Variants in IQCJ observed in about 807,000 individuals in gnomAD.
IQCJ encodes IQ domain-containing protein J.
In IQCJ, 9 loss-of-function variants were observed where a neutral mutation model predicts 11.0. That is an observed-to-expected ratio of 0.82 (90% CI 0.49 to 1.43). The LOEUF (loss-of-function observed/expected upper bound fraction) is 1.43, where lower values mean the gene tolerates loss of function less well. Ranked by LOEUF, IQCJ falls within the 40% of genes most tolerant of loss-of-function variation. The pLI is 0.00. For missense variants in IQCJ, 146 were observed against 133.2 expected, an observed-to-expected ratio of 1.10 and a Z score of -0.47; for synonymous variants, 55 against 51.3, an observed-to-expected ratio of 1.07 and a Z score of -0.31.
At chr3:159,188,800 A>G (rs540704010) in intron 1 of IQCJ, among the ~76,000 whole-genome samples, 2 of 152,258 alleles carry the variant, frequency 1.3e-5, no homozygotes, top group East Asian at 1.9e-4. Context: ...TACCAAATCA[A>G]TGTGCCCAGC....
chr3:159,224,464 A>T (rs1725726648), intron 1 of IQCJ, among the ~76,000 whole-genome samples: 1 of 152,206 alleles, frequency 6.6e-6, no homozygotes, highest in Admixed American at 6.5e-5. Context: ...ACTACTGAAT[A>T]AGCAAACAGT....
intron 1 of IQCJ, among the ~76,000 whole-genome samples, chr3:159,105,167 GATAAA>G (rs1219224295): frequency 1.3e-5 from 2 of 152,198 alleles, no homozygotes; most frequent in African/African-American, 4.8e-5. Context: ...AGCTCTGAAA[GATAAA>G]ATAAATTGTT....
At position 159,180,493 on chromosome 3, in the gene IQCJ, T is replaced by C. The variant is rs141389447; in HGVS notation, c.10-65350T>C. ...TCAGCAGAAAGTGTATATTTATATA[T>C]GTTTAAACATTGTATATAGACTGCT... is the stretch of plus-strand genomic sequence containing the variant. On this transcript the variant is annotated intron_variant, in intron 1 of 3. Transcript: ENST00000397832. 1.3e-5 allele frequency among the ~76,000 whole-genome samples: 2 copies of C among 150,708 alleles called. 1 individual carries two copies. The highest frequency in any genetic ancestry group is 5.0e-5 in the African/African-American group (2 of 40,026).
At chr3:159,117,283 C>T (rs2108133057) in intron 1 of IQCJ, among the ~76,000 whole-genome samples, 1 of 152,242 alleles carries the variant, frequency 6.6e-6, no homozygotes, top group African/African-American at 2.4e-5. Flanking sequence ...ATTTCCATTG[C>T]TGGAGATGGC....
At chr3:159,247,202 T>C (rs1165801860) in intron 2 of IQCJ, among the ~76,000 whole-genome samples, 1 of 152,174 alleles carries the variant, frequency 6.6e-6, no homozygotes, top group East Asian at 1.9e-4. Flanking sequence ...GTTCAAGTGA[T>C]TCTTCTGCCT....
At chr3:159,164,032 G>A (rs897234306) in intron 1 of IQCJ, among the ~76,000 whole-genome samples, 2 of 152,142 alleles carry the variant, frequency 1.3e-5, no homozygotes, top group Non-Finnish European at 2.9e-5. Context: ...AATATGCAAA[G>A]TAGTTTAGAA....
chr3:159,149,224 G>A (rs1035272856), intron 1 of IQCJ, among the ~76,000 whole-genome samples: 4 of 152,168 alleles, frequency 2.6e-5, no homozygotes, highest in Admixed American at 1.3e-4. Flanking sequence ...CTGCTCATTT[G>A]TAGTAGAAAT....
chr3:159,142,712 C>A (rs548152536), intron 1 of IQCJ, among the ~76,000 whole-genome samples: 1 of 152,094 alleles, frequency 6.6e-6, no homozygotes, highest in East Asian at 1.9e-4. Context: ...GCCACCGTAC[C>A]CAGCCCGGGG....
intron 1 of IQCJ, among the ~76,000 whole-genome samples, chr3:159,187,354 CT>C (rs1723430533): frequency 6.6e-6 from 1 of 152,234 alleles, no homozygotes; most frequent in African/African-American, 2.4e-5. Flanking sequence ...AGATAACTTG[CT>C]TTTGATAGAC....
intron 1 of IQCJ, among the ~76,000 whole-genome samples, chr3:159,084,123 G>C (rs567521270): frequency 1.3e-5 from 2 of 152,036 alleles, no homozygotes; most frequent in African/African-American, 4.8e-5. Context: ...TTTTCTGGTT[G>C]TGATATTATA....
chr3:159,187,641 C>G, intron 1 of IQCJ, among the ~76,000 whole-genome samples: 1 of 152,300 alleles, frequency 6.6e-6, no homozygotes, highest in South Asian at 2.1e-4. Flanking sequence ...ACCTAGAAGT[C>G]GCTCTTCTTA....
chr3:159,265,422 G>A, downstream of IQCJ: 1 of 1,597,426 alleles, frequency 6.3e-7, no homozygotes, highest in South Asian at 1.1e-5. Context: ...CAAGTTTATG[G>A]AGGGAATAGG....
chr3:159,144,618 T>C (rs1408044663), intron 1 of IQCJ, among the ~76,000 whole-genome samples: 1 of 151,204 alleles, frequency 6.6e-6, no homozygotes, highest in Admixed American at 6.6e-5. Flanking sequence ...TTTTCAGTCT[T>C]ACTGCCATAT....
At chr3:159,104,255 C>A (rs981261929) in intron 1 of IQCJ, among the ~76,000 whole-genome samples, 1 of 152,164 alleles carries the variant, frequency 6.6e-6, no homozygotes, top group Non-Finnish European at 1.5e-5. Context: ...GTGAGCTAAC[C>A]CACTCCTTAG....
chr3:159,204,325 A>G (rs368041016), intron 1 of IQCJ, among the ~76,000 whole-genome samples: 1 of 152,168 alleles, frequency 6.6e-6, no homozygotes, highest in Non-Finnish European at 1.5e-5. Context: ...GGGGCCATAT[A>G]TCTGTCTTCT....
chr3:159,123,407 G>A (rs1330747150), intron 1 of IQCJ, among the ~76,000 whole-genome samples: 1 of 152,120 alleles, frequency 6.6e-6, no homozygotes, highest in East Asian at 1.9e-4. Context: ...AAACCTCGCT[G>A]CAGATGTTTA....
At chr3:159,093,549 C>G (rs566442581) in intron 1 of IQCJ, among the ~76,000 whole-genome samples, 14 of 151,766 alleles carry the variant, frequency 9.2e-5, no homozygotes, top group African/African-American at 3.4e-4. Context: ...ACCTGGGGAG[C>G]CTGGCAGGAC....
chr3:159,133,671 G>A (rs532954292), intron 1 of IQCJ, among the ~76,000 whole-genome samples: 1 of 152,182 alleles, frequency 6.6e-6, no homozygotes, highest in South Asian at 2.1e-4. Context: ...TTTATAGTTC[G>A]CTGGAATGGG....
At chr3:159,241,862 G>T (rs1287957852) in intron 1 of IQCJ, among the ~76,000 whole-genome samples, 1 of 152,218 alleles carries the variant, frequency 6.6e-6, no homozygotes, top group Non-Finnish European at 1.5e-5. Flanking sequence ...ACATTAGGAA[G>T]TGATGAAGGT....
Sources: allele counts gnomAD v4.1 joint callset (sites outside exome capture counted in the v4.1 genomes callset), GRCh38; gene constraint gnomAD v4.1.1; transcripts MANE v1.5; gene names NCBI Gene and HGNC (gene_info 2026-07-23, HGNC 2026-07-21).